The following CMYA5 variants were observed in gnomAD, a reference collection of about 807,000 sequenced individuals.
CMYA5 encodes cardiomyopathy-associated protein 5.
In CMYA5, 246 loss-of-function variants were observed where a neutral mutation model predicts 318.9. That is an observed-to-expected ratio of 0.77 (90% CI 0.70 to 0.86). The LOEUF (loss-of-function observed/expected upper bound fraction) is 0.86, where lower values mean the gene tolerates loss of function less well. Ranked by LOEUF, CMYA5 falls within the 40% of genes least tolerant of loss-of-function variation. The probability of loss-of-function intolerance (pLI) is 0.00; values close to 1 mark genes in which losing one functional copy is unlikely to be tolerated. For synonymous variants in CMYA5, 1,641 were observed against 1,729.5 expected, an observed-to-expected ratio of 0.95 and a Z score of 1.27; for missense variants, 4,589 against 4,678.2, an observed-to-expected ratio of 0.98 and a Z score of 0.56.
chr5:79,775,418 T>A (rs146566421), intron 9 of CMYA5, among the ~76,000 whole-genome samples: 1 of 152,084 alleles, frequency 6.6e-6, no homozygotes, highest in East Asian at 1.9e-4. Flanking sequence ...AAAACAATCC[T>A]GTGAGAACAA....
At chr5:79,690,476 T>A (rs1826946853) in intron 1 of CMYA5, among the ~76,000 whole-genome samples, 2 of 152,236 alleles carry the variant, frequency 1.3e-5, no homozygotes, top group East Asian at 3.9e-4. Flanking sequence ...CCCGGGGGCC[T>A]AGCAGTAGGC....
At chr5:79,691,080 A>G (rs112446043) in intron 1 of CMYA5, among the ~76,000 whole-genome samples, 2 of 152,302 alleles carry the variant, frequency 1.3e-5, no homozygotes, top group Admixed American at 6.5e-5. Context: ...TTTTTCCCCT[A>G]TGGGGAAACG....
At chr5:79,696,077 A>G (rs1722309120) in intron 1 of CMYA5, among the ~76,000 whole-genome samples, 2 of 152,224 alleles carry the variant, frequency 1.3e-5, no homozygotes, top group Admixed American at 1.3e-4. Context: ...TACAAGAAGC[A>G]AGTTTAGTTG....
intron 9 of CMYA5, among the ~76,000 whole-genome samples, chr5:79,772,455 G>A (rs950922062): frequency 2.6e-5 from 4 of 152,172 alleles, no homozygotes; most frequent in African/African-American, 4.8e-5. Context: ...GAGGTGCAAC[G>A]ATATGTTCAG....
At position 79,735,245 on chromosome 5, in the gene CMYA5, G is replaced by C. The variant is rs745513438; in HGVS notation, c.6480G>C (p.Lys2160Asn). ...CACAAAATCCACCTACACAACCAAA[G>C]GTGGCTAAGCCGGACCTTCCTGAGG... ...EVTQNPPTQPKVAKPDLPEEK... is the reference protein window; with the variant it reads ...EVTQNPPTQPNVAKPDLPEEK... The change falls in exon 2 of 13, where the codon AAG becomes AAC. Residue 2160 changes from lysine (K) to asparagine (N), a missense_variant. Around this residue, in one of 3 missense-constraint regions of CMYA5, gnomAD observed 2,431 missense variants for 2,495.1 expected, o/e 0.97. Transcript: ENST00000446378. 5.0e-6 allele frequency: 8 copies of C among 1,613,840 alleles called. No individual in the cohort carries two copies. Among genetic ancestry groups the C allele is most frequent in the Non-Finnish European group, 6.8e-6 (8 of 1,179,810 alleles).
At chr5:79,764,453 A>T (rs1398220270) in intron 9 of CMYA5, among the ~76,000 whole-genome samples, 20 of 152,204 alleles carry the variant, frequency 1.3e-4, no homozygotes, top group Admixed American at 1.3e-3. Flanking sequence ...CAATAAACAT[A>T]CGTGTGCATG....
rs762616467 is a variant in CMYA5, at chr5:79,730,747, C to T, written c.1982C>T (p.Thr661Ile). The change falls in exon 2 of 13, where the codon ACT (threonine) becomes ATT (isoleucine). Residue 661 changes from threonine (T) to isoleucine (I), a missense_variant. Transcript: ENST00000446378. Reference sequence around the variant, plus strand: ...CTCTCACCATCCACAACTGAGAAGACTTCAGAGAACCAGTCTCCACTGTTT... The same window carrying T: ...CTCTCACCATCCACAACTGAGAAGATTTCAGAGAACCAGTCTCCACTGTTT... The part of the protein sequence containing the change: ...SSLSPSTTEK[T>I]SENQSPLFST... 1.2e-6 allele frequency: 2 copies of T among 1,613,906 alleles called. No individual in the cohort carries two copies. Among genetic ancestry groups the T allele is most frequent in the South Asian group, 1.1e-5 (1 of 91,080 alleles).
rs1350664944 is a variant in CMYA5 at position 79,752,774 on chromosome 5, A to G, written c.11090A>G (p.Gln3697Arg). The change falls in exon 6 of 13, where the codon CAG becomes CGG. Residue 3697 changes from glutamine (Q) to arginine (R), a missense_variant. This residue lies in a region of CMYA5 where 2,431 missense variants were observed against 2,495.1 expected (regional missense o/e 0.97). Transcript: ENST00000446378. ...GATGACAGCTCGGCAAGAAGTGACC[A>G]GATGTTAAAACAAGTGGCTGGTAAG... ...HYDDSSARSD[Q>R]MLKQVAVPQP... 6.2e-7 allele frequency: 1 copy of G among 1,613,178 alleles called. No homozygotes were observed. Among genetic ancestry groups the G allele is most frequent in the Non-Finnish European group, 8.5e-7 (1 of 1,179,364 alleles).
intron 5 of CMYA5, among the ~76,000 whole-genome samples, chr5:79,748,640 T>G (rs1828376892): frequency 6.6e-6 from 1 of 152,114 alleles, no homozygotes. Flanking sequence ...CCTCCCGGGT[T>G]TAAGCAATTC....
Position 79,763,200 on chromosome 5 carries a change from A to G in CMYA5, c.11546A>G (p.Glu3849Gly), listed in dbSNP as rs1347224878. 1 of 1,603,622 alleles carries G rather than the reference A, an allele frequency of 6.2e-7. No homozygotes were observed. The highest frequency in any genetic ancestry group is 1.7e-5 in the Admixed American group (1 of 58,328). ...EYCRQHSPEG[E>G]GLRSFSGIKG... ...TGCAGACAGCACTCTCCTGAGGGAG[A>G]GGGCCTCAGGTGAGGGGCCCTCTCC... The change falls in exon 9 of 13, where the codon GAG becomes GGG. Residue 3849 changes from glutamate to glycine, a missense_variant. Glu to Gly is a moderately conservative substitution (Grantham distance 98). Transcript: ENST00000446378.
chr5:79,798,878 G>A (rs984865492), intron 12 of CMYA5, among the ~76,000 whole-genome samples: 3 of 152,190 alleles, frequency 2.0e-5, no homozygotes. Flanking sequence ...AAAGGATGAA[G>A]TTGGCAAAAT....
Position 79,732,151 on chromosome 5 carries a change from C to T in CMYA5, c.3386C>T (p.Ser1129Leu), listed in dbSNP as rs370998911. The T allele has an allele frequency of 3.1e-6, 5 of 1,613,814 alleles. No individual in the cohort carries two copies. The highest frequency in any genetic ancestry group is 1.3e-5 in the African/African-American group (1 of 74,904). The change falls in exon 2 of 13, where the codon TCA (serine) becomes TTA (leucine). Residue 1129 changes from serine to leucine, a missense_variant. Physicochemically the swap from Ser to Leu is moderately radical, Grantham distance 145. Around this residue, in one of 3 missense-constraint regions of CMYA5, gnomAD observed 2,132 missense variants for 2,131.3 expected, o/e 1.00. Coordinates refer to ENST00000446378, the MANE Select transcript of CMYA5 (RefSeq NM_153610.5). ...LEPESEDLIP[S>L]HLTSEVEKGE... is the part of the protein sequence containing the mutation. ...CCTGAGTCTGAAGACTTGATTCCTT[C>T]ACATTTAACCAGTGAAGTGGAGAAG...
At chr5:79,752,264 G>GT (rs1447158250) in intron 5 of CMYA5, among the ~76,000 whole-genome samples, 1 of 152,204 alleles carries the variant, frequency 6.6e-6, no homozygotes, top group Non-Finnish European at 1.5e-5. Context: ...TCTGCAGTGT[G>GT]TAAGTTTCTA....
intron 2 of CMYA5, among the ~76,000 whole-genome samples, chr5:79,743,265 G>A (rs1991482): frequency 0.082 from 12,422 of 152,140 alleles, 1,240 homozygotes; most frequent in African/African-American, 0.24. Context: ...CACCCCATAC[G>A]TTTTCTAGTT....
Position 79,730,983 on chromosome 5 carries a change from G to A in CMYA5, c.2218G>A (p.Gly740Arg). Residue 740 changes from glycine to arginine, a missense_variant, in exon 2 of 13, where the codon GGA (glycine) becomes AGA (arginine). Gly to Arg is a moderately radical substitution (Grantham distance 125). Transcript: ENST00000446378. Reference sequence around the variant, plus strand: ...TCCATCAGAAGAGAAGGAAGACACTGGATCGTTTACTCCAGCTGTGGCCCC... The same window carrying A: ...TCCATCAGAAGAGAAGGAAGACACTAGATCGTTTACTCCAGCTGTGGCCCC... ...MIPSEEKEDT[G>R]SFTPAVAPAS... is the part of the protein sequence containing the mutation. 1 of 1,613,964 alleles carries A rather than the reference G, an allele frequency of 6.2e-7. No individual in the cohort carries two copies. Among genetic ancestry groups the A allele is most frequent in the Non-Finnish European group, 8.5e-7 (1 of 1,179,882 alleles).
rs1205708943 is a variant in CMYA5, at chr5:79,774,665, C to G, written c.11555+11456C>G. ...GGGGAGACACTCCCGGGGCCATCCT[C>G]CAGGGCAAGCATTTCCAGGGAGTTG... On this transcript the variant is annotated intron_variant, in intron 9 of 12. Coordinates refer to ENST00000446378, the MANE Select transcript of CMYA5 (RefSeq NM_153610.5). 2.6e-5 allele frequency among the ~76,000 whole-genome samples: 4 copies of G among 152,310 alleles called. No homozygotes were observed. In the East Asian group the frequency reaches 7.7e-4, roughly 29 times the overall value.
chr5:79,712,545 A>T (rs964260960), intron 1 of CMYA5, among the ~76,000 whole-genome samples: 3 of 152,130 alleles, frequency 2.0e-5, no homozygotes, highest in Non-Finnish European at 4.4e-5. Flanking sequence ...TGACAGAGAA[A>T]AAAAAAAGTG....
intron 9 of CMYA5, among the ~76,000 whole-genome samples, chr5:79,768,194 CT>C (rs1205290577): frequency 8.6e-5 from 13 of 151,542 alleles, no homozygotes; most frequent in Non-Finnish European, 1.9e-4. Context: ...CTATATGTGT[CT>C]TTGCACATGA....
At position 79,735,881 on chromosome 5, in the gene CMYA5, AAAATCACTCCTTTC is replaced by A. The variant is rs775104220; in HGVS notation, c.7118_7131del (p.Lys2373IlefsTer2). On this transcript the variant is annotated frameshift_variant, in exon 2 of 13. Coordinates refer to ENST00000446378, the MANE Select transcript of CMYA5 (RefSeq NM_153610.5). LOFTEE classifies it high-confidence loss of function. Reference sequence around the variant, plus strand: ...AAGAGCCAAGAAGTGATCAAAAACAAAAATCACTCCTTTCATTTGATGTAGTAGATAAGGTGCCA... The same window carrying A: ...AAGAGCCAAGAAGTGATCAAAAACAAATTTGATGTAGTAGATAAGGTGCCA... 1.3e-5 allele frequency: 21 copies of A among 1,579,162 alleles called. No individual in the cohort carries two copies. The highest frequency in any genetic ancestry group is 1.5e-5 in the Non-Finnish European group (18 of 1,169,370).
Sources: gnomAD v4.1 joint callset for allele counts (sites outside exome capture counted in the v4.1 genomes callset) on GRCh38, gnomAD v4.1.1 for gene constraint, gnomAD v4.1.1 regional missense constraint, MANE v1.5 for transcripts, NCBI Gene and HGNC (gene_info 2026-07-23, HGNC 2026-07-21) for gene names.